Variants in ST6GALNAC5 observed in about 807,000 individuals in gnomAD.
ST6GALNAC5 encodes the protein ST6 N-acetylgalactosaminide alpha-2,6-sialyltransferase 5.
A neutral mutation model predicts 33.6 loss-of-function variants in ST6GALNAC5; 27 were observed. That is an observed-to-expected ratio of 0.80 (90% CI 0.59 to 1.11). ST6GALNAC5 has a LOEUF of 1.11. Ranked by LOEUF, ST6GALNAC5 falls within the 50% of genes least tolerant of loss-of-function variation. The probability of loss-of-function intolerance (pLI) is 0.00; values close to 1 mark genes in which losing one functional copy is unlikely to be tolerated. For missense variants in ST6GALNAC5, 428 were observed against 454.0 expected (o/e 0.94, Z 0.52); for synonymous variants, 194 against 171.2 (o/e 1.13, Z -1.04).
At chr1:77,046,015 A>G (rs984792746) in intron 3 of ST6GALNAC5, among the ~76,000 whole-genome samples, 2 of 152,206 alleles carry the variant, frequency 1.3e-5, no homozygotes, top group African/African-American at 4.8e-5. Flanking sequence ...CTGGTCTAAT[A>G]ATCAAATTGC....
chr1:76,995,749 G>C (rs1040743237), intron 2 of ST6GALNAC5, among the ~76,000 whole-genome samples: 1 of 151,786 alleles, frequency 6.6e-6, no homozygotes, highest in African/African-American at 2.4e-5. Flanking sequence ...TCCGTTTTGG[G>C]TAATGTAGTT....
chr1:76,875,775 CTG>C (rs201157070), intron 2 of ST6GALNAC5, among the ~76,000 whole-genome samples: 2,517 of 152,276 alleles, frequency 0.017, 69 homozygotes, highest in African/African-American at 0.057. Flanking sequence ...ATATTGGACA[CTG>C]ATGCAGAGCA....
At chr1:77,028,174 C>G (rs1651317978) in intron 2 of ST6GALNAC5, among the ~76,000 whole-genome samples, 1 of 152,198 alleles carries the variant, frequency 6.6e-6, no homozygotes, top group African/African-American at 2.4e-5. Flanking sequence ...AAGACAAGCC[C>G]TGGGTATCAC....
At position 77,063,271 on chromosome 1, in the gene ST6GALNAC5, C is replaced by T. The variant is rs1365910068; in HGVS notation, c.*65C>T. The T allele has an allele frequency of 6.9e-7, 1 of 1,446,502 alleles. No homozygotes were observed. Among genetic ancestry groups the T allele is most frequent in the African/African-American group, 1.4e-5 (1 of 71,182 alleles). 89.6% of individuals were successfully genotyped at this position (1,446,502 alleles called of 1,614,324 possible). A position where few individuals can be genotyped will look rare whatever the true frequency, so the allele number is the denominator to read the frequency against. ...CATCAGACACCGAGACACTGAACTT[C>T]CTGAGCCACCAGACAGGAAAGGGTA... On this transcript the variant is annotated 3_prime_UTR_variant, in exon 5 of 5. Coordinates refer to ENST00000477717, the MANE Select transcript of ST6GALNAC5 (RefSeq NM_030965.3).
At chr1:76,889,672 TC>T (rs1201026374) in intron 2 of ST6GALNAC5, among the ~76,000 whole-genome samples, 1 of 152,122 alleles carries the variant, frequency 6.6e-6, no homozygotes, top group Non-Finnish European at 1.5e-5. Flanking sequence ...TCTGTTCTCT[TC>T]GTAATGTTTT....
At chr1:77,024,855 A>G (rs1244376690) in intron 2 of ST6GALNAC5, among the ~76,000 whole-genome samples, 3 of 152,206 alleles carry the variant, frequency 2.0e-5, no homozygotes, top group African/African-American at 7.2e-5. Context: ...CCAGCTGGTC[A>G]GTTCAGGGAT....
chr1:76,891,602 T>C (rs1393065366), intron 2 of ST6GALNAC5, among the ~76,000 whole-genome samples: 1 of 152,210 alleles, frequency 6.6e-6, no homozygotes, highest in Non-Finnish European at 1.5e-5. Context: ...TGCTAATTTA[T>C]CTATTTTTGT....
chr1:76,969,689 G>C (rs1050026127), intron 2 of ST6GALNAC5, among the ~76,000 whole-genome samples: 1 of 152,156 alleles, frequency 6.6e-6, no homozygotes, highest in Non-Finnish European at 1.5e-5. Flanking sequence ...TCCCAGCATG[G>C]TGTTTGAGCT....
intron 2 of ST6GALNAC5, among the ~76,000 whole-genome samples, chr1:76,895,842 G>A (rs1296895903): frequency 1.3e-5 from 2 of 152,132 alleles, no homozygotes; most frequent in South Asian, 4.1e-4. Flanking sequence ...ATGAGACTGG[G>A]GCCTAATAAA....
At chr1:77,006,038 T>A (rs1650399595) in intron 2 of ST6GALNAC5, among the ~76,000 whole-genome samples, 2 of 152,338 alleles carry the variant, frequency 1.3e-5, no homozygotes, top group South Asian at 4.1e-4. Flanking sequence ...AGCCCATGCT[T>A]TCAGTTTTTT....
At position 76,967,417 on chromosome 1, in the gene ST6GALNAC5, G is replaced by A. The variant is rs552926316; in HGVS notation, c.262-76787G>A. Among the ~76,000 whole-genome samples the A allele has an allele frequency of 8.9e-4, 135 of 151,844 alleles. 1 individual carries two copies. Among genetic ancestry groups the A allele is most frequent in the African/African-American group, 2.6e-3 (108 of 41,454 alleles). Reference sequence around the variant, plus strand: ...TTCATAGTATTCTTTGTATTTCTGCGGGATCAGTGGTGACATCCCCTTTAT... The same window carrying A: ...TTCATAGTATTCTTTGTATTTCTGCAGGATCAGTGGTGACATCCCCTTTAT... On this transcript the variant is annotated intron_variant, in intron 2 of 4. Transcript: ENST00000477717.
chr1:76,963,820 G>T (rs1041547088), intron 2 of ST6GALNAC5, among the ~76,000 whole-genome samples: 1 of 152,246 alleles, frequency 6.6e-6, no homozygotes, highest in East Asian at 1.9e-4. Context: ...TGTGATTAAG[G>T]TTAGGGGCCT....
intron 2 of ST6GALNAC5, among the ~76,000 whole-genome samples, chr1:77,014,781 C>A (rs1216011880): frequency 1.3e-5 from 2 of 152,028 alleles, no homozygotes; most frequent in Non-Finnish European, 2.9e-5. Flanking sequence ...AACCACTAGA[C>A]AATAATCAGA....
Position 76,990,555 on chromosome 1 carries a change from A to G in ST6GALNAC5, c.262-53649A>G, listed in dbSNP as rs537179545. On this transcript the variant is annotated intron_variant, in intron 2 of 4. Transcript: ENST00000477717. The stretch of plus-strand genomic sequence containing the variant: ...AGGAATCATCTTGGTGCTGGCTCCA[A>G]GGCTCTGTGCAGTCAGCCAGGCTAT... Among the ~76,000 whole-genome samples, 4 of 152,234 alleles carry G rather than the reference A, an allele frequency of 2.6e-5. No individual in the cohort carries two copies. In the South Asian group the frequency reaches 6.2e-4, roughly 24 times the overall value.
intron 2 of ST6GALNAC5, among the ~76,000 whole-genome samples, chr1:76,944,680 A>G (rs1396121847): frequency 6.6e-6 from 1 of 152,154 alleles, no homozygotes; most frequent in Non-Finnish European, 1.5e-5. Flanking sequence ...AAGCCAGCAC[A>G]TTGTCTATAA....
intron 2 of ST6GALNAC5, among the ~76,000 whole-genome samples, chr1:76,938,792 C>T (rs1460134179): frequency 6.6e-6 from 1 of 152,102 alleles, no homozygotes; most frequent in Non-Finnish European, 1.5e-5. Flanking sequence ...TGTGACACAG[C>T]CCTGAAGTGG....
chr1:76,959,973 C>T (rs912624925), intron 2 of ST6GALNAC5, among the ~76,000 whole-genome samples: 3 of 152,036 alleles, frequency 2.0e-5, no homozygotes, highest in South Asian at 2.1e-4. Flanking sequence ...GACACCTGAG[C>T]GGGAGTGGGT....
intron 2 of ST6GALNAC5, among the ~76,000 whole-genome samples, chr1:76,984,495 A>G (rs1314125952): frequency 6.6e-6 from 1 of 152,210 alleles, no homozygotes; most frequent in Admixed American, 6.5e-5. Context: ...TAGACCAATA[A>G]CAGGCTCTGA....
chr1:76,984,399 A>G (rs1285443021), intron 2 of ST6GALNAC5, among the ~76,000 whole-genome samples: 1 of 152,232 alleles, frequency 6.6e-6, no homozygotes, highest in East Asian at 1.9e-4. Context: ...CTACAAAAAT[A>G]AACTGGAAAG....
Sources: gnomAD v4.1 joint callset for allele counts (sites outside exome capture counted in the v4.1 genomes callset) on GRCh38, gnomAD v4.1.1 for gene constraint, MANE v1.5 for transcripts, NCBI Gene and HGNC (gene_info 2026-07-23, HGNC 2026-07-21) for gene names.